The following ACP7 variants were observed in gnomAD, a reference collection of about 807,000 sequenced individuals.
The protein encoded by ACP7 is acid phosphatase 7, tartrate resistant (putative).
A neutral mutation model predicts 60.6 loss-of-function variants in ACP7; 58 were observed. The ratio of observed to expected loss-of-function variants is 0.96; its 90% CI spans 0.77 to 1.19. ACP7 has a LOEUF of 1.19. ACP7 is among the 50% of genes most tolerant of loss of function. ACP7 has a pLI of 0.00. For missense variants in ACP7, 574 were observed against 596.2 expected (o/e 0.96, Z 0.39); for synonymous variants, 237 against 232.6 (o/e 1.02, Z -0.17).
rs200758416 is a variant in ACP7, at chr19:39,101,156, A to C, written c.922A>C (p.Lys308Gln). Residue 308 changes from lysine (K) to glutamine (Q), a missense_variant, in exon 9 of 13, where the codon AAA becomes CAA. Transcript: ENST00000331256. Reference protein sequence around the residue: ...DCTRHESKVRKGLQGKLYGLE... With the variant: ...DCTRHESKVRQGLQGKLYGLE... ...GCTCATTCACCCTGCCCAGGTCCGC[A>C]AAGGCCTCCAAGGCAAGCTGTACGG... is the stretch of plus-strand genomic sequence containing the variant. 307 of 1,614,060 alleles carry C rather than the reference A, an allele frequency of 1.9e-4. 1 individual carries two copies. Among genetic ancestry groups the C allele is most frequent in the Non-Finnish European group, 2.0e-4 (238 of 1,180,014 alleles).
Position 39,110,511 on chromosome 19 carries a change from C to A in ACP7, c.*393C>A. The A allele has an allele frequency of 5.8e-6, 1 of 173,120 alleles. No individual in the cohort carries two copies. The highest frequency in any genetic ancestry group is 1.5e-4 in the South Asian group (1 of 6,530). The allele number at this position is 173,120 out of a possible 1,614,324, so 10.7% of individuals were successfully genotyped here. A position where few individuals can be genotyped will look rare whatever the true frequency, so the allele number is the denominator to read the frequency against. On this transcript the variant is annotated 3_prime_UTR_variant, in exon 13 of 13. Transcript: ENST00000331256. ...GCTTCCTCCTCTCCTGCCCACCTGGCAAGGGCATCGCCAGGTGGGCACAAC... is the reference window on the plus strand; with the variant it reads ...GCTTCCTCCTCTCCTGCCCACCTGGAAAGGGCATCGCCAGGTGGGCACAAC...
chr19:39,106,846 T>C (rs2073415712), intron 11 of ACP7, 101 bp from the exon 12 acceptor site: 7 of 1,451,346 alleles, frequency 4.8e-6, no homozygotes, highest in Middle Eastern at 2.3e-4. Context: ...AAGTCTTCAC[T>C]GTCTTCCTTG....
At chr19:39,090,141 T>G (rs1490611975) in intron 2 of ACP7, among the ~76,000 whole-genome samples, 1 of 152,010 alleles carries the variant, frequency 6.6e-6, no homozygotes, top group African/African-American at 2.4e-5. Context: ...CCCTCCTTCT[T>G]TTTTTTTCTT....
At position 39,109,958 on chromosome 19, in the gene ACP7, A is replaced by G. The variant is rs73930280; in HGVS notation, c.1252-95A>G. ...CCACTTGCTCAGGGTTGTACAGCCC[A>G]TCAGAGGGCAGAGAGGGGACTGGAA... On this transcript the variant is annotated intron_variant, in intron 12 of 12. Transcript: ENST00000331256. 59 of 1,260,954 alleles carry G rather than the reference A, an allele frequency of 4.7e-5. No individual in the cohort carries two copies. In the African/African-American group the frequency reaches 5.8e-4, roughly 12 times the overall value. 78.1% of individuals were successfully genotyped at this position (1,260,954 alleles called of 1,614,324 possible).
intron 11 of ACP7, among the ~76,000 whole-genome samples, chr19:39,102,715 TTTTCTTTCTTTCTTTCTTTCTTTC>T (rs199915190): frequency 8.4e-6 from 1 of 118,616 alleles, no homozygotes; most frequent in Non-Finnish European, 1.8e-5. Flanking sequence ...CAATGAAGAC[TTTTCTTTCTTTCTTTCTTTCTTTC>T]TTTCTTTCTT....
chr19:39,100,645 A>T lies in ACP7; in HGVS notation c.692+3A>T. 1 of 1,613,846 alleles carries T rather than the reference A, an allele frequency of 6.2e-7. No homozygotes were observed. The highest frequency in any genetic ancestry group is 8.5e-7 in the Non-Finnish European group (1 of 1,179,852). On this transcript the variant is annotated splice_donor_region_variant and intron_variant, in intron 6 of 12. Coordinates refer to ENST00000331256, the MANE Select transcript of ACP7 (RefSeq NM_001004318.3). ...GATAATGAGGGCCTGTGGTACAGGT[A>T]ATGTGGGGGTGCTGGGGGACTGGCC...
Position 39,107,018 on chromosome 19 carries a change from C to G in ACP7, c.1185C>G (p.Tyr395Ter). The G allele has an allele frequency of 2.5e-6, 4 of 1,614,062 alleles. No homozygotes were observed. Among genetic ancestry groups the G allele is most frequent in the Non-Finnish European group, 3.4e-6 (4 of 1,180,014 alleles). ...GGAGTGCCGTGCGTGTGAAGGAGTA[C>G]GGGTATACGCGGCTGCACATCCTCA... ...RPWSAVRVKE[Y>*]GYTRLHILNG... Residue 395 changes from tyrosine to a stop codon, truncating the protein, a stop_gained, in exon 12 of 13, where the codon TAC becomes TAG. Transcript: ENST00000331256. LOFTEE classifies it high-confidence loss of function.
chr19:39,101,544 A>C lies in ACP7; in HGVS notation c.1113+7A>C. Reference sequence around the variant, plus strand: ...CATCATCACAGGATCTGCTGTGAGCAGGGGGAAGGGTGGCTTTGCCTTCTC... The same window carrying C: ...CATCATCACAGGATCTGCTGTGAGCCGGGGGAAGGGTGGCTTTGCCTTCTC... On this transcript the variant is annotated splice_region_variant and intron_variant, in intron 11 of 12. Transcript: ENST00000331256. 9 of 1,613,342 alleles carry C rather than the reference A, an allele frequency of 5.6e-6. No individual in the cohort carries two copies. Among genetic ancestry groups the C allele is most frequent in the Non-Finnish European group, 7.6e-6 (9 of 1,179,660 alleles).
At position 39,101,142 on chromosome 19, in the gene ACP7, C is replaced by T; in HGVS notation, c.916-8C>T. Reference sequence around the variant, plus strand: ...CGTCACCCTCACCCGCTCATTCACCCTGCCCAGGTCCGCAAAGGCCTCCAA... The same window carrying T: ...CGTCACCCTCACCCGCTCATTCACCTTGCCCAGGTCCGCAAAGGCCTCCAA... On this transcript the variant is annotated splice_region_variant and splice_polypyrimidine_tract_variant and intron_variant, in intron 8 of 12. Coordinates refer to ENST00000331256, the MANE Select transcript of ACP7 (RefSeq NM_001004318.3). 1 of 1,614,112 alleles carries T rather than the reference C, an allele frequency of 6.2e-7. No individual in the cohort carries two copies. The highest frequency in any genetic ancestry group is 8.5e-7 in the Non-Finnish European group (1 of 1,180,034).
At chr19:39,093,687 C>A (rs1303580692) in intron 2 of ACP7, among the ~76,000 whole-genome samples, 1 of 152,132 alleles carries the variant, frequency 6.6e-6, no homozygotes, top group Non-Finnish European at 1.5e-5. Context: ...CCATGTCTGG[C>A]CTCCTCTTTT....
intron 2 of ACP7, among the ~76,000 whole-genome samples, chr19:39,087,777 GCA>G (rs1568473870): frequency 6.6e-6 from 1 of 152,002 alleles, no homozygotes; most frequent in Non-Finnish European, 1.5e-5. Flanking sequence ...GGGATTACAG[GCA>G]TGCACCACCA....
At chr19:39,102,964 A>C (rs928795337) in intron 11 of ACP7, among the ~76,000 whole-genome samples, 2 of 151,704 alleles carry the variant, frequency 1.3e-5, no homozygotes, top group African/African-American at 4.8e-5. Context: ...CAGCCTCTCA[A>C]GTAGCTGGGA....
At position 39,086,096 on chromosome 19, in the gene ACP7, G is replaced by GAAGGATCACTT. The variant is rs534053806; in HGVS notation, c.121+707_121+717dup. On this transcript the variant is annotated intron_variant, in intron 2 of 12. Transcript: ENST00000331256. The stretch of plus-strand genomic sequence containing the variant: ...CTTAGCAGTTTGGGAGGCTGAGGCG[G>GAAGGATCACTT]AAGGATCACTTGAGCTCATGAGTTT... Among the ~76,000 whole-genome samples, 943 of 152,252 alleles carry GAAGGATCACTT rather than the reference G, an allele frequency of 6.2e-3. 7 individuals are homozygous for GAAGGATCACTT. Among genetic ancestry groups the GAAGGATCACTT allele is most frequent in the South Asian group, 0.016 (79 of 4,824 alleles).
chr19:39,090,154 T>C lies in ACP7; in HGVS notation c.121+4764T>C, dbSNP rs570775347. 6.6e-5 allele frequency among the ~76,000 whole-genome samples: 10 copies of C among 152,286 alleles called. No homozygotes were observed. The South Asian group carries it at 2.1e-3, about 32-fold the overall frequency. Reference sequence around the variant, plus strand: ...TGCCCTCCTTCTTTTTTTTTCTTTTTAAATTTTATAACCTTTGTTTTGTTT... The same window carrying C: ...TGCCCTCCTTCTTTTTTTTTCTTTTCAAATTTTATAACCTTTGTTTTGTTT... On this transcript the variant is annotated intron_variant, in intron 2 of 12. Transcript: ENST00000331256.
intron 2 of ACP7, among the ~76,000 whole-genome samples, chr19:39,087,641 T>G (rs1326570017): frequency 6.6e-6 from 1 of 151,196 alleles, no homozygotes; most frequent in African/African-American, 2.4e-5. Context: ...TGTTTTTTTT[T>G]TTTTTTTTTT....
At chr19:39,091,169 T>C (rs1013741853) in intron 2 of ACP7, among the ~76,000 whole-genome samples, 2 of 151,528 alleles carry the variant, frequency 1.3e-5, no homozygotes, top group African/African-American at 4.8e-5. Context: ...TCTTTCTTTT[T>C]TTTTTTTTTT....
chr19:39,089,488 T>G (rs1326113387), intron 2 of ACP7, among the ~76,000 whole-genome samples: 1 of 152,214 alleles, frequency 6.6e-6, no homozygotes, highest in Non-Finnish European at 1.5e-5. Flanking sequence ...TACGTAACCA[T>G]GAACAATGAT....
At position 39,100,636 on chromosome 19, in the gene ACP7, G is replaced by A. The variant is rs374349645; in HGVS notation, c.686G>A (p.Trp229Ter). Reference sequence around the variant, plus strand: ...ATGCCGGGGGATAATGAGGGCCTGTGGTACAGGTAATGTGGGGGTGCTGGG... The same window carrying A: ...ATGCCGGGGGATAATGAGGGCCTGTAGTACAGGTAATGTGGGGGTGCTGGG... Reference protein sequence around the residue: ...FSMPGDNEGLWYSWDLGPAHI... With the variant: ...FSMPGDNEGL The change falls in exon 6 of 13, where the codon TGG (tryptophan) becomes TAG (stop). Residue 229 changes from tryptophan (W) to a stop codon, truncating the protein, a stop_gained. Transcript: ENST00000331256. LOFTEE classifies it high-confidence loss of function. 3 of 1,613,880 alleles carry A rather than the reference G, an allele frequency of 1.9e-6. No homozygotes were observed. The highest frequency in any genetic ancestry group is 1.3e-5 in the African/African-American group (1 of 74,878).
intron 2 of ACP7, among the ~76,000 whole-genome samples, chr19:39,087,632 GTT>G (rs58068960): frequency 0.029 from 3,770 of 131,334 alleles, 86 homozygotes; most frequent in African/African-American, 0.086. Flanking sequence ...AGCTAATTTT[GTT>G]TTTTTTTTTT....
Sources: gnomAD v4.1 joint callset for allele counts (sites outside exome capture counted in the v4.1 genomes callset) on GRCh38, gnomAD v4.1.1 for gene constraint, MANE v1.5 for transcripts, NCBI Gene and HGNC (gene_info 2026-07-23, HGNC 2026-07-21) for gene names.